Variants in FANCA observed in about 807,000 individuals in gnomAD.
FANCA encodes the protein Fanconi anemia group A protein.
FANCA carries 236 observed loss-of-function variants against 194.3 expected under a neutral mutation model. That is an observed-to-expected ratio of 1.21 (90% CI 1.09 to 1.35). The LOEUF (loss-of-function observed/expected upper bound fraction) is 1.35. Among genes scored for constraint, FANCA ranks in the 40% most tolerant of loss-of-function variants. The pLI is 0.00. For synonymous variants in FANCA, 1,014 were observed against 715.8 expected (o/e 1.42, Z -6.65); for missense variants, 2,628 against 1,813.9 (o/e 1.45, Z -8.15).
chr16:89,752,230 G>A lies in FANCA; in HGVS notation c.2982-8C>T, dbSNP rs781331325. ...TGGTCATAACTCCTTGAGCTGAAAT[G>A]AAAATACAATAAAATCCTCCTCAGT... On this transcript the variant is annotated splice_region_variant and splice_polypyrimidine_tract_variant and intron_variant, in intron 30 of 42. Coordinates refer to ENST00000389301, the MANE Select transcript of FANCA (RefSeq NM_000135.4). The A allele has an allele frequency of 3.7e-6, 6 of 1,611,074 alleles. No homozygotes were observed. Among genetic ancestry groups the A allele is most frequent in the Non-Finnish European group, 5.1e-6 (6 of 1,177,456 alleles).
Position 89,802,991 on chromosome 16 carries a change from G to A in FANCA, c.792+268C>T, listed in dbSNP as rs532926837. ...CTAATGTTCCACAGCAGAGTGAGGC[G>A]GCTATAGTTAACAACAGATTGTATA... On this transcript the variant is annotated intron_variant, in intron 8 of 42. Coordinates refer to ENST00000389301, the MANE Select transcript of FANCA (RefSeq NM_000135.4). Among the ~76,000 whole-genome samples the A allele has an allele frequency of 3.3e-5, 5 of 152,222 alleles. No homozygotes were observed. In the South Asian group the frequency reaches 6.2e-4, roughly 19 times the overall value.
chr16:89,748,811 C>T, intron 32 of FANCA, 44 bp from the exon 33 acceptor site: 1 of 1,503,298 alleles, frequency 6.7e-7, no homozygotes, highest in South Asian at 1.1e-5. Flanking sequence ...ACAGCGTACA[C>T]TCTGCTCCTT....
chr16:89,812,319 C>A (rs2040916994), intron 3 of FANCA, among the ~76,000 whole-genome samples: 1 of 150,130 alleles, frequency 6.7e-6, no homozygotes, highest in African/African-American at 2.5e-5. Context: ...GTCTGGGCGA[C>A]AGAGCCAGAC....
chr16:89,801,644 C>A (rs1465804872), intron 8 of FANCA, among the ~76,000 whole-genome samples: 1 of 152,108 alleles, frequency 6.6e-6, no homozygotes, highest in Non-Finnish European at 1.5e-5. Flanking sequence ...AATCCCAGCA[C>A]TTCAGGAGGC....
At chr16:89,808,957 G>T (rs1261063615) in intron 5 of FANCA, among the ~76,000 whole-genome samples, 1 of 151,574 alleles carries the variant, frequency 6.6e-6, no homozygotes, top group Non-Finnish European at 1.5e-5. Flanking sequence ...CCAGGCTGGA[G>T]TGCAGTGGCG....
chr16:89,738,345 G>T lies in FANCA; in HGVS notation c.*256C>A. The T allele has an allele frequency of 6.7e-7, 1 of 1,486,304 alleles. No individual in the cohort carries two copies. The allele number at this position is 1,486,304 out of a possible 1,614,324, so 92.1% of individuals were successfully genotyped here. A position where few individuals can be genotyped will look rare whatever the true frequency, so the allele number is the denominator to read the frequency against. ...CACCCGCATGGGAGGGTCGGAGGGT[G>T]CTGCCCGCCCTTGGTGCTGGAGGCG... On this transcript the variant is annotated 3_prime_UTR_variant, in exon 43 of 43. Transcript: ENST00000389301.
chr16:89,773,773 C>A (rs1329150002), intron 21 of FANCA, among the ~76,000 whole-genome samples: 1 of 135,516 alleles, frequency 7.4e-6, no homozygotes, highest in Non-Finnish European at 1.6e-5. Flanking sequence ...GTTCCTCAAA[C>A]TTTTTTTTTT....
In FANCA at chr16:89,759,318, T is replaced by TAAAAAAAAAAAAAAAAA; in HGVS notation, c.2853-630_2853-614dup. ...TTGGGCAACAGAGCGAGACTCCGTCTAAAAAAAAAAAAAAAAAAAAAAAAA... is the reference window on the plus strand; with the variant it reads ...TTGGGCAACAGAGCGAGACTCCGTCTAAAAAAAAAAAAAAAAAAAAAAAAAAAAAAAAAAAAAAAAAA... On this transcript the variant is annotated intron_variant, in intron 29 of 42. Coordinates refer to ENST00000389301, the MANE Select transcript of FANCA (RefSeq NM_000135.4). Among the ~76,000 whole-genome samples, 59 of 75,204 alleles carry TAAAAAAAAAAAAAAAAA rather than the reference T, an allele frequency of 7.8e-4. 2 individuals carry two copies. The highest frequency in any genetic ancestry group is 1.3e-3 in the Non-Finnish European group (49 of 38,984). The allele number at this position is 75,204 out of a possible 152,430, so 49.3% of individuals were successfully genotyped here.
intron 30 of FANCA, 81 bp from the exon 31 acceptor site, chr16:89,752,303 C>A: frequency 1.8e-6 from 2 of 1,109,324 alleles, no homozygotes; most frequent in Non-Finnish European, 2.8e-6. Context: ...GCCTCCGGAG[C>A]TGAGTGATGG....
At chr16:89,744,678 T>G (rs868783096) in intron 36 of FANCA, 24 of 419,612 alleles carry the variant, frequency 5.7e-5, no homozygotes, top group Middle Eastern at 1.4e-3. Flanking sequence ...TTTTTTTTTG[T>G]TTTTTTTCTG....
At chr16:89,813,806 C>CCGTG (rs113697972) in intron 3 of FANCA, among the ~76,000 whole-genome samples, 1 of 149,432 alleles carries the variant, frequency 6.7e-6, no homozygotes, top group Non-Finnish European at 1.5e-5. Context: ...AAGTCTTTTA[C>CCGTG]TGTGTGTGTG....
rs2039073729 is a variant in FANCA at position 89,764,908 on chromosome 16, C to G, written c.2760G>C (p.Leu920Phe). The G allele has an allele frequency of 6.2e-7, 1 of 1,614,118 alleles. No individual in the cohort carries two copies. The highest frequency in any genetic ancestry group is 8.5e-7 in the Non-Finnish European group (1 of 1,179,986). ...CACCTACGTGAACATCTTCCTCTTT[C>G]AACACCTCTCGGAAGGTTCTGTGTG... ...LWTHRTFREV[L>F]KEEDVHLTYQ... Residue 920 changes from leucine to phenylalanine, a missense_variant, in exon 28 of 43, where the codon TTG becomes TTC. Transcript: ENST00000389301.
chr16:89,777,630 A>C (rs911361943), intron 20 of FANCA, among the ~76,000 whole-genome samples: 1 of 151,994 alleles, frequency 6.6e-6, no homozygotes, highest in Non-Finnish European at 1.5e-5. Flanking sequence ...GAACTTTATA[A>C]ATTTTGCTGG....
chr16:89,793,910 C>T (rs2040159668), intron 11 of FANCA, among the ~76,000 whole-genome samples: 1 of 152,102 alleles, frequency 6.6e-6, no homozygotes, highest in South Asian at 2.1e-4. Flanking sequence ...ACCACCACGC[C>T]CGGCTAATTT....
intron 27 of FANCA, among the ~76,000 whole-genome samples, chr16:89,765,619 C>T (rs1477121558): frequency 6.6e-6 from 1 of 152,248 alleles, no homozygotes; most frequent in Admixed American, 6.5e-5. Context: ...AATGGCGTTC[C>T]CACCAAAAAT....
intron 18 of FANCA, 94 bp from the exon 19 acceptor site, chr16:89,779,097 G>A (rs1294417827): frequency 2.5e-6 from 3 of 1,192,804 alleles, no homozygotes; most frequent in African/African-American, 3.0e-5. Context: ...TGGACTGCGA[G>A]GGCTCACTCC....
rs1399660143 is a variant in FANCA, at chr16:89,803,363, G to A, written c.710-22C>T. 5.0e-6 allele frequency: 8 copies of A among 1,597,822 alleles called. No homozygotes were observed. The East Asian group carries it at 1.3e-4, about 27-fold the overall frequency. ...AAATCTGAAAAACCATAAAACCAAA[G>A]TTATTTATGGACATCATGGTCTCCA... On this transcript the variant is annotated intron_variant, in intron 7 of 42. Transcript: ENST00000389301.
At chr16:89,814,143 T>A (rs2041010262) in intron 3 of FANCA, among the ~76,000 whole-genome samples, 1 of 152,084 alleles carries the variant, frequency 6.6e-6, no homozygotes, top group Non-Finnish European at 1.5e-5. Flanking sequence ...TATCTCCCAC[T>A]CTCAAACTGG....
intron 30 of FANCA, among the ~76,000 whole-genome samples, chr16:89,754,675 G>A (rs751585462): frequency 6.6e-5 from 10 of 151,892 alleles, no homozygotes; most frequent in African/African-American, 1.7e-4. Context: ...GGCCAGACAC[G>A]ATCTTATATA....
Sources: gnomAD v4.1 joint callset for allele counts (sites outside exome capture counted in the v4.1 genomes callset) on GRCh38, gnomAD v4.1.1 for gene constraint, MANE v1.5 for transcripts, NCBI Gene and HGNC (gene_info 2026-07-23, HGNC 2026-07-21) for gene names.